Variants in DPYD observed in about 807,000 individuals in gnomAD.
DPYD encodes the protein dihydropyrimidine dehydrogenase [NADP(+)].
A neutral mutation model predicts 116.2 loss-of-function variants in DPYD; 109 were observed. The ratio of observed to expected loss-of-function variants is 0.94; its 90% confidence interval spans 0.80 to 1.10. The LOEUF (loss-of-function observed/expected upper bound fraction) is 1.10. Among genes scored for constraint, DPYD ranks in the 50% least tolerant of loss-of-function variants. DPYD has a pLI of 0.00. For synonymous variants in DPYD, 440 were observed against 432.0 expected, an observed-to-expected ratio of 1.02 and a Z score of -0.23; for missense variants, 1,302 against 1,254.5, an observed-to-expected ratio of 1.04 and a Z score of -0.57.
chr1:97,514,813 G>A (rs1648088385), intron 13 of DPYD, among the ~76,000 whole-genome samples: 1 of 151,426 alleles, frequency 6.6e-6, no homozygotes, highest in Admixed American at 6.6e-5. Context: ...TAATGTTTTA[G>A]CCATAATAAT....
chr1:97,496,858 A>C (rs1245382226), intron 13 of DPYD, among the ~76,000 whole-genome samples: 1 of 151,986 alleles, frequency 6.6e-6, no homozygotes, highest in African/African-American at 2.4e-5. Flanking sequence ...TATACAATAC[A>C]TGATCTATAA....
chr1:97,817,221 T>TGG lies in DPYD; in HGVS notation c.233+10892_233+10893insCC, dbSNP rs1668669100. ...TGTAGCCCAGAAAGCTAAAAATACA[T>TGG]GCTATCTGGCCTTTTACAATAAAAT... On this transcript the variant is annotated intron_variant, in intron 3 of 22. Coordinates refer to ENST00000370192, the MANE Select transcript of DPYD (RefSeq NM_000110.4). Among the ~76,000 whole-genome samples the TGG allele has an allele frequency of 3.7e-4, 56 of 152,236 alleles. No homozygotes were observed. The South Asian group carries it at 0.011, about 31-fold the overall frequency.
intron 20 of DPYD, among the ~76,000 whole-genome samples, chr1:97,137,108 T>C (rs988763440): frequency 6.6e-6 from 1 of 152,136 alleles, no homozygotes; most frequent in East Asian, 1.9e-4. Context: ...CATCGGCTGG[T>C]GCTGTGGTAC....
At chr1:97,285,989 T>C (rs1028222523) in intron 18 of DPYD, among the ~76,000 whole-genome samples, 2 of 152,208 alleles carry the variant, frequency 1.3e-5, no homozygotes, top group Admixed American at 1.3e-4. Flanking sequence ...ATTTTGCTCA[T>C]TAATTGATGC....
intron 8 of DPYD, among the ~76,000 whole-genome samples, chr1:97,658,132 C>T (rs536388028): frequency 4.6e-5 from 7 of 152,092 alleles, no homozygotes; most frequent in Non-Finnish European, 8.8e-5. Flanking sequence ...TTTGGTTATA[C>T]TAGAATTCAA....
At chr1:97,526,299 T>G (rs557566367) in intron 12 of DPYD, among the ~76,000 whole-genome samples, 2 of 152,200 alleles carry the variant, frequency 1.3e-5, no homozygotes, top group Non-Finnish European at 2.9e-5. Flanking sequence ...TTTCTTTCTA[T>G]GTACAGCTAC....
chr1:97,616,532 T>C (rs1376793731), intron 8 of DPYD, among the ~76,000 whole-genome samples: 1 of 152,170 alleles, frequency 6.6e-6, no homozygotes, highest in Admixed American at 6.5e-5. Context: ...CACTTAATTA[T>C]TCATGCAAAC....
Position 97,371,655 on chromosome 1 carries a change from T to C in DPYD, c.2058+1906A>G, listed in dbSNP as rs1029683176. 7.2e-5 allele frequency among the ~76,000 whole-genome samples: 11 copies of C among 152,306 alleles called. No homozygotes were observed. In the South Asian group the frequency reaches 1.7e-3, roughly 23 times the overall value. ...TATTCTGCCTTCCCTTTATTTAAAA[T>C]ATGGAACATTCATGTGTCCTCAGGC... On this transcript the variant is annotated intron_variant, in intron 16 of 22. Transcript: ENST00000370192.
intron 16 of DPYD, among the ~76,000 whole-genome samples, chr1:97,316,650 C>T (rs1013227546): frequency 6.6e-6 from 1 of 151,842 alleles, no homozygotes; most frequent in Non-Finnish European, 1.5e-5. Flanking sequence ...ATTCTAATGT[C>T]TGCCTTAGCT....
chr1:97,385,970 T>C (rs542451588), intron 14 of DPYD, among the ~76,000 whole-genome samples: 1 of 152,258 alleles, frequency 6.6e-6, no homozygotes, highest in East Asian at 1.9e-4. Flanking sequence ...CAATTGGACT[T>C]GATGAAGGGA....
At chr1:97,483,710 A>T (rs1281586302) in intron 13 of DPYD, among the ~76,000 whole-genome samples, 1 of 152,092 alleles carries the variant, frequency 6.6e-6, no homozygotes, top group Admixed American at 6.5e-5. Context: ...AGGGCTCCTT[A>T]CCCGTGAATG....
intron 13 of DPYD, among the ~76,000 whole-genome samples, chr1:97,459,677 T>C (rs2101819335): frequency 6.6e-6 from 1 of 151,852 alleles, no homozygotes; most frequent in South Asian, 2.1e-4. Flanking sequence ...AACTCAAGGA[T>C]AAAGAAAAAA....
intron 21 of DPYD, among the ~76,000 whole-genome samples, chr1:97,087,471 G>A (rs557588215): frequency 3.5e-4 from 53 of 152,272 alleles, no homozygotes; most frequent in African/African-American, 1.2e-3. Flanking sequence ...TAGATTGGCC[G>A]GCGAGGGTGA....
intron 18 of DPYD, among the ~76,000 whole-genome samples, chr1:97,285,899 T>TG (rs1211801613): frequency 6.6e-6 from 1 of 152,198 alleles, no homozygotes; most frequent in Non-Finnish European, 1.5e-5. Context: ...TCCTTTTAAC[T>TG]GGACCATTTA....
rs71590217 is a variant in DPYD, at chr1:97,152,439, T to TACACACACACAC, written c.2622+40618_2622+40629dup. ...TTTGTTAGGTGATGGCTGAATCACA[T>TACACACACACAC]ACACACACACACACACACACACACA... is the stretch of plus-strand genomic sequence containing the variant. On this transcript the variant is annotated intron_variant, in intron 20 of 22. Coordinates refer to ENST00000370192, the MANE Select transcript of DPYD (RefSeq NM_000110.4). 2.1e-3 allele frequency among the ~76,000 whole-genome samples: 300 copies of TACACACACACAC among 145,338 alleles called. 1 individual carries two copies. Among genetic ancestry groups the TACACACACACAC allele is most frequent in the African/African-American group, 4.9e-3 (193 of 39,392 alleles).
At chr1:97,525,439 A>T (rs1465804607) in intron 12 of DPYD, among the ~76,000 whole-genome samples, 1 of 152,128 alleles carries the variant, frequency 6.6e-6, no homozygotes, top group Non-Finnish European at 1.5e-5. Context: ...CTCTGTACTT[A>T]TTTGCTTACA....
intron 20 of DPYD, among the ~76,000 whole-genome samples, chr1:97,100,557 G>T (rs940273150): frequency 2.6e-5 from 4 of 152,006 alleles, no homozygotes; most frequent in African/African-American, 9.7e-5. Context: ...CCCTGTTGGG[G>T]TTTACATGGT....
intron 2 of DPYD, among the ~76,000 whole-genome samples, chr1:97,841,447 T>C (rs1439542715): frequency 1.3e-5 from 2 of 152,036 alleles, no homozygotes; most frequent in African/African-American, 4.8e-5. Flanking sequence ...AATATTGCAC[T>C]GTACTGCTTC....
intron 2 of DPYD, among the ~76,000 whole-genome samples, chr1:97,841,508 A>G (rs1367308432): frequency 6.6e-6 from 1 of 152,062 alleles, no homozygotes; most frequent in Non-Finnish European, 1.5e-5. Context: ...GATGTATTTT[A>G]CAAGCAGTGA....
Sources: gnomAD v4.1 joint callset for allele counts (sites outside exome capture counted in the v4.1 genomes callset) on GRCh38, gnomAD v4.1.1 for gene constraint, MANE v1.5 for transcripts, NCBI Gene and HGNC (gene_info 2026-07-23, HGNC 2026-07-21) for gene names.